The following GASK1A variants were observed in gnomAD, a reference collection of about 807,000 sequenced individuals.
GASK1A encodes Golgi-associated kinase 1A.
Under a neutral mutation model 41.2 loss-of-function variants are expected in GASK1A, and 40 were observed. The observed-to-expected ratio is 0.97, with a 90% CI of 0.75 to 1.27. The LOEUF is 1.27. Among genes scored for constraint, GASK1A ranks in the 50% most tolerant of loss-of-function variants. The pLI, the probability that GASK1A is intolerant of heterozygous loss-of-function variation, is 0.00. For missense variants in GASK1A, 678 were observed against 745.1 expected, an observed-to-expected ratio of 0.91 and a Z score of 1.05; for synonymous variants, 316 against 307.1, an observed-to-expected ratio of 1.03 and a Z score of -0.30.
At chr3:43,036,978 C>T (rs1459076763) in intron 2 of GASK1A, 2 of 345,600 alleles carry the variant, frequency 5.8e-6, no homozygotes, top group Non-Finnish European at 1.1e-5. Flanking sequence ...TCTTTTAAGC[C>T]ACTGAGTTCA....
intron 2 of GASK1A, among the ~76,000 whole-genome samples, chr3:43,046,257 A>G (rs2089661752): frequency 6.6e-6 from 1 of 152,234 alleles, no homozygotes; most frequent in Non-Finnish European, 1.5e-5. Context: ...GATATGGACA[A>G]TGAAGTCCAG....
chr3:43,026,445 G>C (rs2089547410), intron 1 of GASK1A, among the ~76,000 whole-genome samples: 1 of 152,202 alleles, frequency 6.6e-6, no homozygotes, highest in South Asian at 2.1e-4. Context: ...CTTAACAGAT[G>C]AGGGCTGGCC....
At chr3:42,987,169 G>GC (rs2089316058) in intron 1 of GASK1A, among the ~76,000 whole-genome samples, 1 of 152,234 alleles carries the variant, frequency 6.6e-6, no homozygotes, top group South Asian at 2.1e-4. Context: ...GAACAAAGGG[G>GC]CACGAGAGCC....
chr3:43,030,995 G>A (rs1204675144), intron 1 of GASK1A, among the ~76,000 whole-genome samples: 1 of 152,206 alleles, frequency 6.6e-6, no homozygotes, highest in African/African-American at 2.4e-5. Flanking sequence ...GGTTTGTTTT[G>A]TGGGTGTTGT....
intron 1 of GASK1A, among the ~76,000 whole-genome samples, chr3:42,985,732 A>G (rs2089305816): frequency 6.6e-6 from 1 of 152,068 alleles, no homozygotes; most frequent in African/African-American, 2.4e-5. Context: ...GGGCAGAGGG[A>G]GCCTCCAGGA....
chr3:43,039,454 C>T (rs476336), intron 2 of GASK1A, among the ~76,000 whole-genome samples: 55,323 of 152,020 alleles, frequency 0.36, 10,636 homozygotes, highest in East Asian at 0.57. Flanking sequence ...CCGCCTGCTT[C>T]GGCTTCCCAA....
intron 2 of GASK1A, among the ~76,000 whole-genome samples, chr3:43,042,773 G>GCTCC (rs2089644296): frequency 6.6e-6 from 1 of 152,168 alleles, no homozygotes; most frequent in Non-Finnish European, 1.5e-5. Flanking sequence ...TCTCAATCCA[G>GCTCC]CTCCTCAAAG....
intron 1 of GASK1A, among the ~76,000 whole-genome samples, chr3:43,027,025 A>G (rs962893274): frequency 4.6e-5 from 7 of 152,226 alleles, no homozygotes; most frequent in African/African-American, 1.7e-4. Context: ...GGCAGGGTAA[A>G]AAATCAGTTC....
rs2089721311 is a variant in GASK1A, at chr3:43,057,381, C to G, written c.*995C>G. ...TTCTGAGAGAAACTGCCAAATTGCT[C>G]TCTGAAATGGTGGTGTCAATTTACA... On this transcript the variant is annotated 3_prime_UTR_variant, in exon 5 of 5. Coordinates refer to ENST00000430121, the MANE Select transcript of GASK1A (RefSeq NM_001129908.3). 6.6e-6 allele frequency: 1 copy of G among 152,164 alleles called. No homozygotes were observed. The highest frequency in any genetic ancestry group is 1.5e-5 in the Non-Finnish European group (1 of 68,038). The allele number at this position is 152,164 out of a possible 1,614,324, so 9.4% of individuals were successfully genotyped here.
chr3:43,051,081 A>T (rs909141001), intron 2 of GASK1A, among the ~76,000 whole-genome samples: 3 of 151,966 alleles, frequency 2.0e-5, no homozygotes, highest in Non-Finnish European at 4.4e-5. Context: ...ACTGTCTCAT[A>T]TTTTTTTGTT....
rs1375165993 is a variant in GASK1A, at chr3:43,053,632, G to T, written c.1402G>T (p.Val468Phe). 6.4e-7 allele frequency: 1 copy of T among 1,551,696 alleles called. No individual in the cohort carries two copies. Among genetic ancestry groups the T allele is most frequent in the Admixed American group, 2.0e-5 (1 of 50,996 alleles). ...KCQNPAELRL[V>F]HILVRSSDPS... is the part of the protein sequence containing the mutation. The stretch of plus-strand genomic sequence containing the variant: ...CCAGAACCCAGCCGAGCTGCGGCTG[G>T]TCCACATCCTGGTACGTCTCCTCCA... The change falls in exon 3 of 5, where the codon GTC (valine) becomes TTC (phenylalanine). Residue 468 changes from valine (V) to phenylalanine (F), a missense_variant. Physicochemically the swap from Val to Phe is conservative, Grantham distance 50. Coordinates refer to ENST00000430121, the MANE Select transcript of GASK1A (RefSeq NM_001129908.3).
chr3:43,047,652 C>G (rs2089670720), intron 2 of GASK1A, among the ~76,000 whole-genome samples: 1 of 152,150 alleles, frequency 6.6e-6, no homozygotes, highest in South Asian at 2.1e-4. Context: ...CTCCCCTTCT[C>G]TCATACTCTT....
chr3:43,051,315 T>C (rs2089687266), intron 2 of GASK1A, among the ~76,000 whole-genome samples: 2 of 152,246 alleles, frequency 1.3e-5, no homozygotes, highest in African/African-American at 2.4e-5. Flanking sequence ...CAGCTGATGA[T>C]TGAGCAGGAG....
chr3:43,032,370 A>G lies in GASK1A; in HGVS notation c.107A>G (p.Gln36Arg). The G allele has an allele frequency of 6.4e-7, 1 of 1,551,598 alleles. No homozygotes were observed. The highest frequency in any genetic ancestry group is 1.4e-5 in the African/African-American group (1 of 73,180). Reference sequence around the variant, plus strand: ...ATGGCTGTCACCCGCTTTCCCCCACAGCGTCCATCCGCCGGCCCAGACCCT... The same window carrying G: ...ATGGCTGTCACCCGCTTTCCCCCACGGCGTCCATCCGCCGGCCCAGACCCT... ...SAMAVTRFPP[Q>R]RPSAGPDPGP... The change falls in exon 2 of 5, where the codon CAG (glutamine) becomes CGG (arginine). Residue 36 changes from glutamine to arginine, a missense_variant. Transcript: ENST00000430121.
chr3:42,992,568 G>A (rs1486260790), intron 1 of GASK1A, among the ~76,000 whole-genome samples: 1 of 152,196 alleles, frequency 6.6e-6, no homozygotes, highest in Non-Finnish European at 1.5e-5. Flanking sequence ...AGGATTAGGA[G>A]TGGGGGATAC....
At chr3:43,034,892 C>T (rs1032457181) in intron 2 of GASK1A, among the ~76,000 whole-genome samples, 8 of 152,132 alleles carry the variant, frequency 5.3e-5, no homozygotes, top group Admixed American at 6.5e-5. Context: ...CTTTATTGTC[C>T]GACACTCACC....
At chr3:43,037,436 A>G (rs2089609942) in intron 2 of GASK1A, 1 of 844,292 alleles carries the variant, frequency 1.2e-6, no homozygotes, top group Admixed American at 2.2e-5. Flanking sequence ...CAGCTGTCTT[A>G]AATAAAGAAG....
intron 1 of GASK1A, among the ~76,000 whole-genome samples, chr3:42,986,307 A>G (rs559522858): frequency 6.6e-6 from 1 of 152,280 alleles, no homozygotes; most frequent in African/African-American, 2.4e-5. Flanking sequence ...CAGCGGTTGC[A>G]GGGGTTAGGG....
At chr3:42,989,336 C>T (rs1466182186) in intron 1 of GASK1A, among the ~76,000 whole-genome samples, 1 of 152,176 alleles carries the variant, frequency 6.6e-6, no homozygotes, top group Admixed American at 6.5e-5. Context: ...TCTCTTCCTT[C>T]TAGGTGTCCC....
Sources: gnomAD v4.1 joint callset for allele counts (sites outside exome capture counted in the v4.1 genomes callset) on GRCh38, gnomAD v4.1.1 for gene constraint, MANE v1.5 for transcripts, NCBI Gene and HGNC (gene_info 2026-07-23, HGNC 2026-07-21) for gene names.